The following RHOBTB2 variants were observed in gnomAD, a reference collection of about 807,000 sequenced individuals.
RHOBTB2 encodes the protein Rho related BTB domain containing 2, also known as rho-related BTB domain-containing protein 2.
In RHOBTB2, 39 loss-of-function variants were observed where a neutral mutation model predicts 66.5. That is an observed-to-expected ratio of 0.59 (90% confidence interval 0.45 to 0.77). The LOEUF is 0.77. Among genes scored for constraint, RHOBTB2 ranks in the 30% least tolerant of loss-of-function variants. The pLI, the probability that RHOBTB2 is intolerant of heterozygous loss-of-function variation, is 0.00. For missense variants in RHOBTB2, 755 were observed against 999.1 expected (o/e 0.76, Z 3.29); for synonymous variants, 390 against 395.0 (o/e 0.99, Z 0.15).
chr8:22,976,051 C>T, the RHOBTB2 span, among the ~76,000 whole-genome samples: 1 of 152,114 alleles, frequency 6.6e-6, no homozygotes, highest in African/African-American at 2.4e-5. Context: ...GAGGCTGAGC[C>T]AGGAGAATCA....
At position 22,999,595 on chromosome 8, in the gene RHOBTB2, T is replaced by C. The variant is rs1810696572; in HGVS notation, c.-521T>C. 1.2e-5 allele frequency: 15 copies of C among 1,228,860 alleles called. No homozygotes were observed. The highest frequency in any genetic ancestry group is 1.6e-5 in the Non-Finnish European group (15 of 966,448). 76.1% of individuals were successfully genotyped at this position (1,228,860 alleles called of 1,614,324 possible). On this transcript the variant is annotated 5_prime_UTR_variant, in exon 1 of 10. Transcript: ENST00000251822. ...TTGGGTGCGATTTTTTTCTCCTCCTTTTTTTACCCTCCCGTTTTTTTCTTT... is the reference window on the plus strand; with the variant it reads ...TTGGGTGCGATTTTTTTCTCCTCCTCTTTTTACCCTCCCGTTTTTTTCTTT...
At chr8:22,979,903 G>A in the RHOBTB2 span, among the ~76,000 whole-genome samples, 3 of 151,290 alleles carry the variant, frequency 2.0e-5, no homozygotes, top group Non-Finnish European at 4.4e-5. Flanking sequence ...GACTATAGGC[G>A]CGTGCCATCA....
intron 7 of RHOBTB2, among the ~76,000 whole-genome samples, chr8:23,013,949 G>A (rs1811218569): frequency 6.6e-6 from 1 of 152,182 alleles, no homozygotes; most frequent in Non-Finnish European, 1.5e-5. Context: ...CTGGAATGAT[G>A]AGATGTTCTA....
At chr8:22,994,821 A>T (rs1810504480), upstream of RHOBTB2, among the ~76,000 whole-genome samples, 1 of 152,228 alleles carries the variant, frequency 6.6e-6, no homozygotes, top group Non-Finnish European at 1.5e-5. Context: ...ACTGGAGTGC[A>T]ATGGCGTGAT....
the RHOBTB2 span, among the ~76,000 whole-genome samples, chr8:22,982,225 T>C: frequency 2.0e-5 from 3 of 152,226 alleles, no homozygotes; most frequent in African/African-American, 7.2e-5. Context: ...GATGACAGTG[T>C]GTTTTAAACC....
chr8:22,962,565 G>C, the RHOBTB2 span, among the ~76,000 whole-genome samples: 1 of 152,188 alleles, frequency 6.6e-6, no homozygotes, highest in Non-Finnish European at 1.5e-5. Flanking sequence ...TCAAGAGTCA[G>C]ATATGTGAGA....
upstream of RHOBTB2, among the ~76,000 whole-genome samples, chr8:22,996,860 G>C (rs62503589): frequency 0.014 from 2,153 of 152,176 alleles, 19 homozygotes; most frequent in Middle Eastern, 0.051. Context: ...TGTTTTCCAG[G>C]ATCTGGCATT....
rs1475528930 is a variant in RHOBTB2, at chr8:23,007,462, C to T, written c.1217C>T (p.Thr406Ile). Residue 406 changes from threonine (T) to isoleucine (I), a missense_variant, in exon 5 of 10, where the codon ACC becomes ATC. Transcript: ENST00000251822. Reference sequence around the variant, plus strand: ...GAAGAGATGGCAGAAGATCCTCTCACCTACAAATCCCGGCTGATGGTGGTG... The same window carrying T: ...GAAGAGATGGCAGAAGATCCTCTCATCTACAAATCCCGGCTGATGGTGGTG... Reference protein sequence around the residue: ...IQEEMAEDPLTYKSRLMVVVK... With the variant: ...IQEEMAEDPLIYKSRLMVVVK... 6.2e-7 allele frequency: 1 copy of T among 1,614,216 alleles called. No homozygotes were observed. The highest frequency in any genetic ancestry group is 2.2e-5 in the East Asian group (1 of 44,872).
At chr8:22,985,032 C>A (rs1396029511), upstream of RHOBTB2, 1 of 152,076 alleles carries the variant, frequency 6.6e-6, no homozygotes, top group African/African-American at 2.4e-5. Context: ...ACCCCCACCC[C>A]TTAGTCCTTT....
At chr8:22,956,747 C>T in the RHOBTB2 span, among the ~76,000 whole-genome samples, 2 of 152,320 alleles carry the variant, frequency 1.3e-5, no homozygotes, top group Admixed American at 6.5e-5. Context: ...CTGCAACCTC[C>T]GCCTCCCGGA....
intron 7 of RHOBTB2, among the ~76,000 whole-genome samples, chr8:23,011,274 T>G (rs1277579170): frequency 6.6e-6 from 1 of 152,144 alleles, no homozygotes; most frequent in Non-Finnish European, 1.5e-5. Flanking sequence ...AAACAAAAAA[T>G]GGAACATGAC....
chr8:23,002,079 C>T (rs1348412645), intron 1 of RHOBTB2, among the ~76,000 whole-genome samples: 1 of 152,230 alleles, frequency 6.6e-6, no homozygotes, highest in African/African-American at 2.4e-5. Flanking sequence ...AATTTGAGAA[C>T]TGGCATCCCT....
rs1273314617 is a variant in RHOBTB2 at position 22,999,579 on chromosome 8, A to AT, written c.-530dup. 27 of 1,209,274 alleles carry AT rather than the reference A, an allele frequency of 2.2e-5. No homozygotes were observed. In the Admixed American group the frequency reaches 2.2e-4, roughly 10 times the overall value. 74.9% of individuals were successfully genotyped at this position (1,209,274 alleles called of 1,614,324 possible). A position where few individuals can be genotyped will look rare whatever the true frequency, so the allele number is the denominator to read the frequency against. On this transcript the variant is annotated 5_prime_UTR_variant, in exon 1 of 10. Transcript: ENST00000251822. Reference sequence around the variant, plus strand: ...CGTCACGGCTGTCGTCTTGGGTGCGATTTTTTTCTCCTCCTTTTTTTACCC... The same window carrying AT: ...CGTCACGGCTGTCGTCTTGGGTGCGATTTTTTTTCTCCTCCTTTTTTTACCC...
At chr8:22,995,178 T>C (rs2430806), upstream of RHOBTB2, among the ~76,000 whole-genome samples, 139,027 of 152,222 alleles carry the variant, frequency 0.91, 63,509 homozygotes, top group East Asian at 0.96. Context: ...AGCTATTCTC[T>C]CAGCTCGGCC....
intron 1 of RHOBTB2, among the ~76,000 whole-genome samples, chr8:23,001,166 A>G (rs191335708): frequency 6.6e-6 from 1 of 152,258 alleles, no homozygotes; most frequent in Admixed American, 6.5e-5. Flanking sequence ...CATGCCAGTG[A>G]CTTTGCGATT....
At chr8:22,989,011 C>T (rs976007372) in intron 1 of RHOBTB2, among the ~76,000 whole-genome samples, 7 of 152,304 alleles carry the variant, frequency 4.6e-5, no homozygotes, top group Admixed American at 6.5e-5. Context: ...GTATCTTCTC[C>T]CTCTTCCCTG....
chr8:22,986,211 G>A (rs571380339), upstream of RHOBTB2, among the ~76,000 whole-genome samples: 1 of 151,300 alleles, frequency 6.6e-6, no homozygotes, highest in African/African-American at 2.4e-5. Flanking sequence ...GGGTTGCCAG[G>A]GAATGGGTTG....
At chr8:22,982,444 A>G (rs1458063318), upstream of RHOBTB2, among the ~76,000 whole-genome samples, 1 of 152,158 alleles carries the variant, frequency 6.6e-6, no homozygotes, top group Non-Finnish European at 1.5e-5. Context: ...CAACATGGAG[A>G]AACCCTGTCT....
At chr8:22,952,152 G>A in the RHOBTB2 span, among the ~76,000 whole-genome samples, 4 of 152,108 alleles carry the variant, frequency 2.6e-5, no homozygotes, top group South Asian at 2.1e-4. Flanking sequence ...GACCCACTGG[G>A]AGAGACAACA....
Sources: gnomAD v4.1 joint callset for allele counts (sites outside exome capture counted in the v4.1 genomes callset) on GRCh38, gnomAD v4.1.1 for gene constraint, MANE v1.5 for transcripts, NCBI Gene and HGNC (gene_info 2026-07-23, HGNC 2026-07-21) for gene names.